Variants in C7 observed in about 807,000 individuals in gnomAD.
C7 encodes complement component C7.
Under a neutral mutation model 104.8 loss-of-function variants are expected in C7, and 83 were observed. The observed-to-expected ratio is 0.79, with a 90% confidence interval of 0.66 to 0.95. The LOEUF (loss-of-function observed/expected upper bound fraction) is 0.95. Among genes scored for constraint, C7 ranks in the 40% least tolerant of loss-of-function variants. The pLI is 0.00. For synonymous variants in C7, 415 were observed against 360.6 expected (o/e 1.15, Z -1.71); for missense variants, 1,070 against 1,011.2 (o/e 1.06, Z -0.79).
At chr5:40,914,035 C>A (rs1181802388) in intron 1 of C7, among the ~76,000 whole-genome samples, 1 of 152,078 alleles carries the variant, frequency 6.6e-6, no homozygotes, top group Non-Finnish European at 1.5e-5. Context: ...TACTATGTTG[C>A]CTAGGCTGGT....
In C7 at chr5:40,936,396, T is replaced by C. The variant is rs769378004; in HGVS notation, c.339T>C (p.Ser113=). 8 of 1,613,240 alleles carry C rather than the reference T, an allele frequency of 5.0e-6. No individual in the cohort carries two copies. Among genetic ancestry groups the C allele is most frequent in the Non-Finnish European group, 4.2e-6 (5 of 1,179,424 alleles). ...CNGDSDCDED[S]ADEDRCEDSE... is the part of the protein sequence containing the mutation. ...GGGATTCTGACTGTGATGAAGACAG[T>C]GCTGATGAAGACAGATGTGAGGACT... is the stretch of plus-strand genomic sequence containing the variant. Residue 113 remains serine, a synonymous_variant, in exon 5 of 18, where the codon AGT becomes AGC. Coordinates refer to ENST00000313164, the MANE Select transcript of C7 (RefSeq NM_000587.4).
chr5:40,911,992 C>T (rs1234454829), intron 1 of C7, among the ~76,000 whole-genome samples: 1 of 151,820 alleles, frequency 6.6e-6, no homozygotes, highest in Non-Finnish European at 1.5e-5. Context: ...TCATGATCCA[C>T]CTGCCTTGGC....
intron 6 of C7, among the ~76,000 whole-genome samples, chr5:40,941,268 C>T (rs555361293): frequency 1.4e-4 from 21 of 151,792 alleles, no homozygotes; most frequent in Middle Eastern, 3.4e-3. Flanking sequence ...TTCGCCATGT[C>T]GGTCAGGCTG....
intron 3 of C7, among the ~76,000 whole-genome samples, chr5:40,934,061 T>C (rs1739753196): frequency 6.6e-6 from 1 of 151,896 alleles, no homozygotes; most frequent in Non-Finnish European, 1.5e-5. Context: ...TTTTTTTTTT[T>C]TGCATTTAAT....
At chr5:40,975,477 C>A (rs1740798858) in intron 15 of C7, among the ~76,000 whole-genome samples, 1 of 151,706 alleles carries the variant, frequency 6.6e-6, no homozygotes, top group Non-Finnish European at 1.5e-5. Context: ...AATTCTCCTG[C>A]CTCAGCCTCC....
At chr5:40,954,890 A>AAAG (rs1554043283) in intron 9 of C7, 205 of 267,398 alleles carry the variant, frequency 7.7e-4, no homozygotes, top group Middle Eastern at 4.7e-3. Flanking sequence ...AAAAAAAAAA[A>AAAG]AAAAAAAAAA....
chr5:40,937,755 C>A, intron 6 of C7, 65 bp downstream of exon 6: 1 of 1,310,240 alleles, frequency 7.6e-7, no homozygotes, highest in Non-Finnish European at 1.0e-6. Context: ...ATGATATTGA[C>A]TTTTACGTAT....
chr5:40,972,117 G>T, intron 14 of C7: 1 of 529,818 alleles, frequency 1.9e-6, no homozygotes, highest in South Asian at 1.7e-5. Flanking sequence ...ACAGTAGGCT[G>T]GGCATTAGGA....
At chr5:40,910,580 C>T (rs1328612930) in intron 1 of C7, among the ~76,000 whole-genome samples, 1 of 151,840 alleles carries the variant, frequency 6.6e-6, no homozygotes, top group African/African-American at 2.4e-5. Flanking sequence ...TTATGATGGG[C>T]AGTCATAAAA....
chr5:40,976,410 C>G (rs1347770503), intron 15 of C7, among the ~76,000 whole-genome samples: 1 of 152,172 alleles, frequency 6.6e-6, no homozygotes, highest in Non-Finnish European at 1.5e-5. Context: ...TGTGAAGTAG[C>G]ACCAACTTCC....
chr5:40,966,228 G>C (rs1445838549), intron 14 of C7, among the ~76,000 whole-genome samples: 1 of 152,000 alleles, frequency 6.6e-6, no homozygotes, highest in Non-Finnish European at 1.5e-5. Context: ...AGTACACACT[G>C]CACCCAGTTT....
rs1739831076 is a variant in C7 at position 40,936,976 on chromosome 5, T to C, written c.428+491T>C. 1.3e-5 allele frequency among the ~76,000 whole-genome samples: 2 copies of C among 152,160 alleles called. 1 individual carries two copies. Among genetic ancestry groups the C allele is most frequent in the South Asian group, 4.1e-4 (2 of 4,824 alleles). ...TTTCCAAGTGAAGGTTGGAAAATACTGTGTTTACGTTATCAAAGAGAATTC... is the reference window on the plus strand; with the variant it reads ...TTTCCAAGTGAAGGTTGGAAAATACCGTGTTTACGTTATCAAAGAGAATTC... On this transcript the variant is annotated intron_variant, in intron 5 of 17. Transcript: ENST00000313164.
chr5:40,950,555 TGAGGCTTTATCAG>T (rs1405391318), intron 9 of C7, among the ~76,000 whole-genome samples: 1 of 152,206 alleles, frequency 6.6e-6, no homozygotes, highest in Non-Finnish European at 1.5e-5. Context: ...CAAAGGCTTT[TGAGGCTTTATCAG>T]GGGTTCTGCT....
At chr5:40,938,663 A>G (rs1739866891) in intron 6 of C7, among the ~76,000 whole-genome samples, 1 of 152,158 alleles carries the variant, frequency 6.6e-6, no homozygotes, top group Non-Finnish European at 1.5e-5. Flanking sequence ...CATGCTTGCC[A>G]ACGTTGGTAT....
intron 14 of C7, among the ~76,000 whole-genome samples, chr5:40,966,666 C>T (rs1217524719): frequency 2.0e-5 from 3 of 152,100 alleles, no homozygotes; most frequent in Non-Finnish European, 4.4e-5. Context: ...CATGAGCTAC[C>T]ATGCCTGGCA....
chr5:40,924,015 C>T (rs1739499135), intron 1 of C7, among the ~76,000 whole-genome samples: 1 of 152,084 alleles, frequency 6.6e-6, no homozygotes, highest in African/African-American at 2.4e-5. Context: ...TGATACCTGC[C>T]CAATAGTCAC....
chr5:40,916,401 A>C (rs184402763), intron 1 of C7, among the ~76,000 whole-genome samples: 12 of 152,296 alleles, frequency 7.9e-5, no homozygotes, highest in Admixed American at 3.9e-4. Flanking sequence ...CCCCCTGCCT[A>C]CTGCTGTGCT....
At chr5:40,955,038 T>C (rs1333736646) in intron 9 of C7, 1 of 240,522 alleles carries the variant, frequency 4.2e-6, no homozygotes, top group African/African-American at 2.3e-5. Context: ...TTCCCCACTA[T>C]CAACATCTCC....
At chr5:40,958,689 C>G (rs1274616816) in intron 11 of C7, among the ~76,000 whole-genome samples, 1 of 152,194 alleles carries the variant, frequency 6.6e-6, no homozygotes, top group Non-Finnish European at 1.5e-5. Context: ...TGTTGAACAT[C>G]TGCTGTGTGC....
Sources: allele counts gnomAD v4.1 joint callset (sites outside exome capture counted in the v4.1 genomes callset), GRCh38; gene constraint gnomAD v4.1.1; transcripts MANE v1.5; gene names NCBI Gene and HGNC (gene_info 2026-07-23, HGNC 2026-07-21).